TESPA1: variants seen among roughly 807,000 people sequenced by gnomAD.
TESPA1 encodes the protein protein TESPA1.
A neutral mutation model predicts 57.9 loss-of-function variants in TESPA1; 33 were observed. The observed-to-expected ratio is 0.57, with a 90% CI of 0.43 to 0.76. The LOEUF is 0.76. Among genes scored for constraint, TESPA1 ranks in the 30% least tolerant of loss-of-function variants. The probability of loss-of-function intolerance (pLI) is 0.00; values close to 1 mark genes in which losing one functional copy is unlikely to be tolerated. For missense variants in TESPA1, 618 were observed against 632.9 expected, an observed-to-expected ratio of 0.98 and a Z score of 0.25; for synonymous variants, 227 against 228.9, an observed-to-expected ratio of 0.99 and a Z score of 0.07.
chr12:54,959,003 C>T (rs933690154), intron 10 of TESPA1, among the ~76,000 whole-genome samples: 9 of 152,172 alleles, frequency 5.9e-5, no homozygotes, highest in African/African-American at 1.7e-4. Flanking sequence ...CTGGTTTTAA[C>T]GTTTTCTCTG....
intron 10 of TESPA1, among the ~76,000 whole-genome samples, chr12:54,955,128 G>A (rs1023869547): frequency 6.6e-6 from 1 of 152,128 alleles, no homozygotes; most frequent in African/African-American, 2.4e-5. Context: ...CATCCTAACA[G>A]GTTTAAGGTA....
chr12:54,957,010 A>T (rs986983029), intron 10 of TESPA1, among the ~76,000 whole-genome samples: 1 of 152,170 alleles, frequency 6.6e-6, no homozygotes, highest in African/African-American at 2.4e-5. Context: ...TCAGCACTGC[A>T]TGGGGGGTTA....
chr12:54,983,581 A>C (rs1324550498), intron 1 of TESPA1, among the ~76,000 whole-genome samples: 2 of 152,134 alleles, frequency 1.3e-5, no homozygotes, highest in African/African-American at 4.8e-5. Context: ...ACTCAGGACC[A>C]TTTGTGGTAT....
chr12:54,972,142 A>G (rs1327761631), intron 3 of TESPA1, among the ~76,000 whole-genome samples: 1 of 152,220 alleles, frequency 6.6e-6, no homozygotes, highest in East Asian at 1.9e-4. Context: ...AGTCTTGGAG[A>G]CTTTTCACTA....
chr12:54,969,099 C>T (rs1021941750), intron 3 of TESPA1, among the ~76,000 whole-genome samples: 4 of 145,080 alleles, frequency 2.8e-5, no homozygotes, highest in African/African-American at 1.0e-4. Context: ...TAACTCCTTT[C>T]AATAGCAAAA....
chr12:54,981,261 A>T (rs564480286), intron 1 of TESPA1, among the ~76,000 whole-genome samples: 1 of 152,318 alleles, frequency 6.6e-6, no homozygotes, highest in East Asian at 1.9e-4. Flanking sequence ...AAGTTGAAAC[A>T]TCTTGAGGAA....
intron 10 of TESPA1, among the ~76,000 whole-genome samples, chr12:54,958,735 T>G (rs1950888962): frequency 6.6e-6 from 1 of 152,220 alleles, no homozygotes; most frequent in Non-Finnish European, 1.5e-5. Context: ...TTTTCAGTTT[T>G]GGTGGTTTTT....
At chr12:54,983,236 T>C (rs1040854866) in intron 1 of TESPA1, among the ~76,000 whole-genome samples, 1 of 152,130 alleles carries the variant, frequency 6.6e-6, no homozygotes, top group Non-Finnish European at 1.5e-5. Flanking sequence ...CCAAGAGTTA[T>C]GAGAACATGT....
Position 54,962,331 on chromosome 12 carries a change from C to T in TESPA1, c.1467+100G>A. On this transcript the variant is annotated intron_variant, in intron 9 of 10. Transcript: ENST00000449076. Reference sequence around the variant, plus strand: ...TGGTATATCTGGCTAGGACAGGAAGCCTGGATTATTTTTCCCCCAAGGGTT... The same window carrying T: ...TGGTATATCTGGCTAGGACAGGAAGTCTGGATTATTTTTCCCCCAAGGGTT... 12 of 1,350,938 alleles carry T rather than the reference C, an allele frequency of 8.9e-6. 1 individual carries two copies. Among genetic ancestry groups the T allele is most frequent in the Middle Eastern group, 2.7e-4 (1 of 3,724 alleles). 83.7% of individuals were successfully genotyped at this position (1,350,938 alleles called of 1,614,324 possible). A position where few individuals can be genotyped will look rare whatever the true frequency, so the allele number is the denominator to read the frequency against.
At chr12:54,975,816 G>T (rs1028638300) in intron 1 of TESPA1, among the ~76,000 whole-genome samples, 7 of 152,120 alleles carry the variant, frequency 4.6e-5, no homozygotes, top group Non-Finnish European at 1.0e-4. Context: ...TTTTTGAAAA[G>T]AACATCCTGA....
rs573829374 is a variant in TESPA1, at chr12:54,973,511, T to C, written c.172A>G (p.Ile58Val). 9 of 1,614,010 alleles carry C rather than the reference T, an allele frequency of 5.6e-6. No homozygotes were observed. Among genetic ancestry groups the C allele is most frequent in the African/African-American group, 1.3e-5 (1 of 75,048 alleles). ...LDDVFQEGNP[I>V]NKIEDWLQDC... ...TGCAGCCAGTCTTCAATTTTATTGATTGGATTCCCTAGAAAAGTCAGACAC... is the reference window on the plus strand; with the variant it reads ...TGCAGCCAGTCTTCAATTTTATTGACTGGATTCCCTAGAAAAGTCAGACAC... Residue 58 changes from isoleucine (I) to valine (V), a missense_variant, in exon 3 of 11, where the codon ATC becomes GTC. Coordinates refer to ENST00000449076, the MANE Select transcript of TESPA1 (RefSeq NM_001136030.3).
Position 54,949,066 on chromosome 12 carries a change from G to A in TESPA1, c.*1326C>T, listed in dbSNP as rs1033602511. 46 of 140,120 alleles carry A rather than the reference G, an allele frequency of 3.3e-4. No homozygotes were observed. The highest frequency in any genetic ancestry group is 1.2e-3 in the African/African-American group (46 of 38,050). The allele number at this position is 140,120 out of a possible 1,614,324, so 8.7% of individuals were successfully genotyped here. ...CCCCTGTCTCCTGGTTTCTGTGGGT[G>A]GGAAGGGTAGGAAACTTGGAGTGGG... is the stretch of plus-strand genomic sequence containing the variant. On this transcript the variant is annotated 3_prime_UTR_variant, in exon 11 of 11. Transcript: ENST00000449076.
chr12:54,964,443 A>G (rs1287164303), intron 7 of TESPA1, among the ~76,000 whole-genome samples: 1 of 152,170 alleles, frequency 6.6e-6, no homozygotes. Flanking sequence ...AGCACATCCA[A>G]AACCTGATTT....
intron 1 of TESPA1, among the ~76,000 whole-genome samples, chr12:54,980,037 T>G (rs1235159353): frequency 1.3e-5 from 2 of 152,224 alleles, no homozygotes; most frequent in African/African-American, 4.8e-5. Flanking sequence ...CCTGTAGTGC[T>G]GAGATTTAAA....
intron 1 of TESPA1, chr12:54,981,858 C>T (rs1952335396): frequency 6.6e-6 from 1 of 152,326 alleles, no homozygotes; most frequent in African/African-American, 2.4e-5. Flanking sequence ...GGCCCAGTCC[C>T]AGGTTTGCCT....
At chr12:54,972,382 A>G (rs1951886882) in intron 3 of TESPA1, among the ~76,000 whole-genome samples, 1 of 152,246 alleles carries the variant, frequency 6.6e-6, no homozygotes, top group African/African-American at 2.4e-5. Context: ...AATTGCTGAC[A>G]TGAATTGATG....
chr12:54,974,470 C>T lies in TESPA1; in HGVS notation c.93G>A (p.Glu31=), dbSNP rs201481040. ...SRNWQTQVLE[E]EAAAALQDVP... Reference sequence around the variant, plus strand: ...CATCCTGCAGGGCGGCGGCAGCCTCCTCTTCTAGGACCTGGGTCTGCCAGT... The same window carrying T: ...CATCCTGCAGGGCGGCGGCAGCCTCTTCTTCTAGGACCTGGGTCTGCCAGT... The change falls in exon 2 of 11, where the codon GAG becomes GAA. Residue 31 remains glutamate (E), a synonymous_variant. Coordinates refer to ENST00000449076, the MANE Select transcript of TESPA1 (RefSeq NM_001136030.3). The T allele has an allele frequency of 1.0e-5, 16 of 1,607,480 alleles. 1 individual carries two copies. The highest frequency in any genetic ancestry group is 3.3e-4 in the Middle Eastern group (2 of 6,074).
intron 9 of TESPA1, among the ~76,000 whole-genome samples, chr12:54,961,905 TC>T (rs1951103280): frequency 6.6e-6 from 1 of 152,038 alleles, no homozygotes; most frequent in African/African-American, 2.4e-5. Context: ...ACATGCAAGG[TC>T]CCTTATGGTA....
At chr12:54,968,174 CG>C (rs1486395979) in intron 3 of TESPA1, among the ~76,000 whole-genome samples, 35 of 152,138 alleles carry the variant, frequency 2.3e-4, no homozygotes, top group Non-Finnish European at 4.3e-4. Context: ...AATGATTCTT[CG>C]GTCTTTAGGT....
Sources: allele counts gnomAD v4.1 joint callset (sites outside exome capture counted in the v4.1 genomes callset), GRCh38; gene constraint gnomAD v4.1.1; transcripts MANE v1.5; gene names NCBI Gene and HGNC (gene_info 2026-07-23, HGNC 2026-07-21).